KCTD18: variants seen among roughly 807,000 people sequenced by gnomAD.
KCTD18 encodes the protein potassium channel tetramerization domain containing 18.
Under a neutral mutation model 30.4 loss-of-function variants are expected in KCTD18, and 22 were observed. That is an observed-to-expected ratio of 0.72 (90% CI 0.52 to 1.03). The LOEUF is 1.03. Among genes scored for constraint, KCTD18 ranks in the 50% least tolerant of loss-of-function variants. The pLI is 0.00. For missense variants in KCTD18, 529 were observed against 547.6 expected, an observed-to-expected ratio of 0.97 and a Z score of 0.34; for synonymous variants, 186 against 209.0, an observed-to-expected ratio of 0.89 and a Z score of 0.95.
intron 3 of KCTD18, among the ~76,000 whole-genome samples, chr2:200,502,151 G>T (rs550142154): frequency 1.3e-5 from 2 of 151,944 alleles, no homozygotes; most frequent in Admixed American, 1.3e-4. Context: ...GTGGGGGTAG[G>T]GGGGAGGGAT....
intron 3 of KCTD18, 147 bp downstream of exon 3, chr2:200,504,601 G>T: frequency 3.2e-6 from 2 of 626,898 alleles, no homozygotes; most frequent in Non-Finnish European, 5.3e-6. Flanking sequence ...CTTAAAAAAT[G>T]AGAAGTAGTA....
Position 200,489,860 on chromosome 2 carries a change from G to C in KCTD18, c.*240C>G, listed in dbSNP as rs1422006823. ...CGAATTAATCATTAAAAAATAAATT[G>C]AAAACCAGAAATTCAAACTGCCCAT... On this transcript the variant is annotated 3_prime_UTR_variant, in exon 7 of 7. Transcript: ENST00000359878. 2.1e-6 allele frequency: 1 copy of C among 474,500 alleles called. No homozygotes were observed. The highest frequency in any genetic ancestry group is 2.0e-5 in the African/African-American group (1 of 50,926). 29.4% of individuals were successfully genotyped at this position (474,500 alleles called of 1,614,324 possible).
chr2:200,506,347 C>T (rs1186845499), intron 2 of KCTD18, among the ~76,000 whole-genome samples: 1 of 152,206 alleles, frequency 6.6e-6, no homozygotes, highest in Non-Finnish European at 1.5e-5. Flanking sequence ...GCCCCTTTGC[C>T]TCTGACGGTA....
At chr2:200,498,810 A>C in intron 4 of KCTD18, 81 bp downstream of exon 4, 1 of 1,264,132 alleles carries the variant, frequency 7.9e-7, no homozygotes, top group Non-Finnish European at 1.1e-6. Context: ...TTTTCTAGTC[A>C]AGCACATTTC....
At position 200,499,745 on chromosome 2, in the gene KCTD18, T is replaced by C. The variant is rs558541945; in HGVS notation, c.373-661A>G. 5.3e-5 allele frequency among the ~76,000 whole-genome samples: 8 copies of C among 151,466 alleles called. No individual in the cohort carries two copies. In the East Asian group the frequency reaches 5.8e-4, roughly 11 times the overall value. On this transcript the variant is annotated intron_variant, in intron 3 of 6. Coordinates refer to ENST00000359878, the MANE Select transcript of KCTD18 (RefSeq NM_152387.4). ...TTCCTTCTGAAACTATTCCAATCAA[T>C]AGAAAAAGAGGGAATCCTCCCTAAC...
intron 3 of KCTD18, 129 bp from the exon 4 acceptor site, chr2:200,499,213 T>G: frequency 1.5e-6 from 1 of 656,478 alleles, no homozygotes; most frequent in Non-Finnish European, 2.5e-6. Flanking sequence ...GATTATATAT[T>G]TCAGCTTAGT....
At position 200,509,645 on chromosome 2, in the gene KCTD18, G is replaced by C. The variant is rs1020869362; in HGVS notation, c.-93C>G. On this transcript the variant is annotated 5_prime_UTR_variant, in exon 1 of 7. Coordinates refer to ENST00000359878, the MANE Select transcript of KCTD18 (RefSeq NM_152387.4). ...ATGATCACCTGCATCAAAACCATCA[G>C]GGACGCTTGGGAAAACGAAGACACT... 1 of 152,316 alleles carries C rather than the reference G, an allele frequency of 6.6e-6. No individual in the cohort carries two copies. The highest frequency in any genetic ancestry group is 2.4e-5 in the African/African-American group (1 of 41,442). 9.4% of individuals were successfully genotyped at this position (152,316 alleles called of 1,614,324 possible).
chr2:200,496,385 G>C (rs375966792), intron 5 of KCTD18: 9 of 152,116 alleles, frequency 5.9e-5, no homozygotes, highest in Non-Finnish European at 1.3e-4. Context: ...CCTCTTGAGG[G>C]GTATGACTGG....
At chr2:200,505,665 G>T (rs2030147316) in intron 2 of KCTD18, among the ~76,000 whole-genome samples, 1 of 152,038 alleles carries the variant, frequency 6.6e-6, no homozygotes, top group South Asian at 2.1e-4. Flanking sequence ...AGAGCATGTG[G>T]GGTGCTCATC....
At chr2:200,508,351 A>G (rs2030320618) in intron 1 of KCTD18, among the ~76,000 whole-genome samples, 1 of 152,120 alleles carries the variant, frequency 6.6e-6, no homozygotes, top group Non-Finnish European at 1.5e-5. Flanking sequence ...CGGCCTCCCA[A>G]AGTGCTGAGA....
chr2:200,497,797 T>C lies in KCTD18; in HGVS notation c.617A>G (p.Glu206Gly). The C allele has an allele frequency of 6.2e-7, 1 of 1,612,912 alleles. No homozygotes were observed. Among genetic ancestry groups the C allele is most frequent in the Non-Finnish European group, 8.5e-7 (1 of 1,179,342 alleles). ...AAAGGCATCCATCATTTTCTTCAACTCTGCTACTGAATAATAGCTCCAAAT... is the reference window on the plus strand; with the variant it reads ...AAAGGCATCCATCATTTTCTTCAACCCTGCTACTGAATAATAGCTCCAAAT... Reference protein sequence around the residue: ...QYIWSYYSVAELKKMMDAFDA... With the variant: ...QYIWSYYSVAGLKKMMDAFDA... Residue 206 changes from glutamate to glycine, a missense_variant, in exon 5 of 7, where the codon GAG (glutamate) becomes GGG (glycine). Physicochemically the swap from Glu to Gly is moderately conservative, Grantham distance 98. Coordinates refer to ENST00000359878, the MANE Select transcript of KCTD18 (RefSeq NM_152387.4).
intron 5 of KCTD18, among the ~76,000 whole-genome samples, chr2:200,495,188 T>C (rs904712029): frequency 2.0e-5 from 3 of 152,190 alleles, no homozygotes; most frequent in Admixed American, 6.5e-5. Flanking sequence ...ATATGTTTCA[T>C]TCCAGTCTTT....
At position 200,490,534 on chromosome 2, in the gene KCTD18, T is replaced by C; in HGVS notation, c.847A>G (p.Thr283Ala). ...TTCTTGACTTTAATTTGGGTACTTGTGGAAGGGCCCAAAAATCTAACTGGC... is the reference window on the plus strand; with the variant it reads ...TTCTTGACTTTAATTTGGGTACTTGCGGAAGGGCCCAAAAATCTAACTGGC... ...PKPVRFLGPS[T>A]STQIKVKNSA... Residue 283 changes from threonine to alanine, a missense_variant, in exon 7 of 7, where the codon ACA (threonine) becomes GCA (alanine). By Grantham distance (58) the Thr-to-Ala change is moderately conservative (BLOSUM62 0). Coordinates refer to ENST00000359878, the MANE Select transcript of KCTD18 (RefSeq NM_152387.4). The C allele has an allele frequency of 6.2e-7, 1 of 1,604,136 alleles. No individual in the cohort carries two copies. Among genetic ancestry groups the C allele is most frequent in the Non-Finnish European group, 8.5e-7 (1 of 1,179,980 alleles).
intron 5 of KCTD18, among the ~76,000 whole-genome samples, chr2:200,495,016 A>G (rs541401430): frequency 6.7e-6 from 1 of 149,834 alleles, no homozygotes; most frequent in Non-Finnish European, 1.5e-5. Context: ...ATTCCACTGT[A>G]TGGATACACC....
chr2:200,502,477 C>T (rs1003489390), intron 3 of KCTD18, among the ~76,000 whole-genome samples: 2 of 152,126 alleles, frequency 1.3e-5, no homozygotes, highest in Admixed American at 6.5e-5. Context: ...CATGGACTAA[C>T]CAGATTGATT....
At chr2:200,502,693 T>G (rs1008021670) in intron 3 of KCTD18, among the ~76,000 whole-genome samples, 1 of 152,136 alleles carries the variant, frequency 6.6e-6, no homozygotes, top group Non-Finnish European at 1.5e-5. Context: ...TTATAGCTAA[T>G]GCAGAAGACA....
intron 1 of KCTD18, among the ~76,000 whole-genome samples, chr2:200,507,992 T>C (rs570067208): frequency 6.2e-4 from 95 of 152,302 alleles, no homozygotes; most frequent in Middle Eastern, 6.8e-3. Context: ...GAATTCTATG[T>C]AGACCAGTAG....
chr2:200,494,759 A>T (rs1230116401), intron 5 of KCTD18, among the ~76,000 whole-genome samples: 1 of 152,204 alleles, frequency 6.6e-6, no homozygotes, highest in East Asian at 1.9e-4. Flanking sequence ...ATGAGTTTTG[A>T]CAAATGGATA....
At position 200,489,895 on chromosome 2, in the gene KCTD18, TA is replaced by T. The variant is rs1559179546; in HGVS notation, c.*204del. On this transcript the variant is annotated 3_prime_UTR_variant, in exon 7 of 7. Transcript: ENST00000359878. ...AATTCAAACTGCCCATAGACAATCATATAAAAGTTGGGAAAATGAGAAATGG... is the reference window on the plus strand; with the variant it reads ...AATTCAAACTGCCCATAGACAATCATTAAAAGTTGGGAAAATGAGAAATGG... 84 of 541,266 alleles carry T rather than the reference TA, an allele frequency of 1.6e-4. No homozygotes were observed. Among genetic ancestry groups the T allele is most frequent in the Non-Finnish European group, 2.5e-4 (80 of 314,750 alleles). The allele number at this position is 541,266 out of a possible 1,614,324, so 33.5% of individuals were successfully genotyped here.
Sources: gnomAD v4.1 joint callset for allele counts (sites outside exome capture counted in the v4.1 genomes callset) on GRCh38, gnomAD v4.1.1 for gene constraint, MANE v1.5 for transcripts, NCBI Gene and HGNC (gene_info 2026-07-23, HGNC 2026-07-21) for gene names.